ACTR3C: variants seen among roughly 807,000 people sequenced by gnomAD.
ACTR3C encodes the protein actin-related protein 3C.
Under a neutral mutation model 26.3 loss-of-function variants are expected in ACTR3C, and 18 were observed. The ratio of observed to expected loss-of-function variants is 0.68; its 90% CI spans 0.47 to 1.01. ACTR3C has a LOEUF of 1.01. ACTR3C is among the 50% of genes least tolerant of loss of function. ACTR3C has a pLI of 0.00. For synonymous variants in ACTR3C, 55 were observed against 94.5 expected, an observed-to-expected ratio of 0.58 and a Z score of 2.42; for missense variants, 184 against 250.7, an observed-to-expected ratio of 0.73 and a Z score of 1.80.
the ACTR3C span, among the ~76,000 whole-genome samples, chr7:150,143,450 A>G: frequency 6.6e-5 from 10 of 152,144 alleles, no homozygotes; most frequent in African/African-American, 2.4e-4. Context: ...TTTTGCAAAC[A>G]TAATTTACAT....
the ACTR3C span, among the ~76,000 whole-genome samples, chr7:150,144,942 A>C: frequency 0.026 from 3,977 of 150,760 alleles, 178 homozygotes; most frequent in African/African-American, 0.091. The surrounding 1 kb of genome is among the most constrained non-coding windows in gnomAD (Gnocchi z 4.6). Context: ...CCCAGCTACT[A>C]GGACGGCTGA....
the ACTR3C span, among the ~76,000 whole-genome samples, chr7:150,164,812 G>A: frequency 6.6e-6 from 1 of 152,118 alleles, no homozygotes; most frequent in East Asian, 1.9e-4. Context: ...ACTGTGTGAA[G>A]GTCTTAGTAA....
chr7:150,103,153 A>G, the ACTR3C span, among the ~76,000 whole-genome samples: 1 of 151,918 alleles, frequency 6.6e-6, no homozygotes, highest in South Asian at 2.1e-4. Context: ...AGCAAGCTGG[A>G]AGCAAGGAGA....
At chr7:150,305,207 G>C (rs1250411290) in intron 1 of ACTR3C, among the ~76,000 whole-genome samples, 3 of 152,162 alleles carry the variant, frequency 2.0e-5, no homozygotes, top group African/African-American at 7.2e-5. Flanking sequence ...CACTGACTCA[G>C]AGCTGCATAA....
At chr7:149,935,599 A>T in the ACTR3C span, among the ~76,000 whole-genome samples, 2 of 143,236 alleles carry the variant, frequency 1.4e-5, no homozygotes, top group South Asian at 2.5e-4. Flanking sequence ...ACAGGGTTTC[A>T]CCATGTTGGC....
chr7:150,154,853 G>A, the ACTR3C span, among the ~76,000 whole-genome samples: 1 of 152,178 alleles, frequency 6.6e-6, no homozygotes, highest in East Asian at 1.9e-4. Flanking sequence ...CAAGGTTGTA[G>A]TGAATTGCCT....
chr7:149,904,809 CATGGTGA>C, the ACTR3C span, among the ~76,000 whole-genome samples: 1 of 151,780 alleles, frequency 6.6e-6, no homozygotes, highest in Admixed American at 6.6e-5. Flanking sequence ...GCCTGGCCAA[CATGGTGA>C]AACCCCATCT....
At chr7:150,160,163 T>C in the ACTR3C span, among the ~76,000 whole-genome samples, 168 of 152,212 alleles carry the variant, frequency 1.1e-3, 3 homozygotes, top group East Asian at 0.031. Context: ...TTACCTATAA[T>C]TTACTGAAGT....
the ACTR3C span, among the ~76,000 whole-genome samples, chr7:150,016,733 C>A: frequency 6.6e-6 from 1 of 151,948 alleles, no homozygotes; most frequent in Non-Finnish European, 1.5e-5. Flanking sequence ...ACTCCCAGAC[C>A]CAAGGCTTAT....
the ACTR3C span, among the ~76,000 whole-genome samples, chr7:150,231,017 T>TAAAAA: frequency 6.6e-6 from 1 of 152,134 alleles, no homozygotes; most frequent in Admixed American, 6.5e-5. Flanking sequence ...TTTATGCTTT[T>TAAAAA]CTTCTATAAC....
the ACTR3C span, among the ~76,000 whole-genome samples, chr7:150,210,081 T>C: frequency 1.3e-5 from 2 of 151,980 alleles, no homozygotes; most frequent in African/African-American, 2.4e-5. Flanking sequence ...AGAAACCCTT[T>C]AGCCAAGAGG....
the ACTR3C span, among the ~76,000 whole-genome samples, chr7:149,957,006 T>C: frequency 3.3e-5 from 5 of 152,154 alleles, no homozygotes; most frequent in Non-Finnish European, 7.3e-5. Flanking sequence ...CTGTCTCTCA[T>C]ACAGACTGGC....
At chr7:150,116,137 G>A in the ACTR3C span, among the ~76,000 whole-genome samples, 1 of 152,224 alleles carries the variant, frequency 6.6e-6, no homozygotes, top group Non-Finnish European at 1.5e-5. Context: ...AACAAGTGGG[G>A]ATATTTCAAA....
At chr7:149,991,517 G>A in the ACTR3C span, among the ~76,000 whole-genome samples, 14 of 152,166 alleles carry the variant, frequency 9.2e-5, no homozygotes, top group Admixed American at 9.2e-4. Context: ...GGAATCCCAG[G>A]CTAGTTGTGC....
At chr7:149,993,355 T>G in the ACTR3C span, among the ~76,000 whole-genome samples, 1 of 152,048 alleles carries the variant, frequency 6.6e-6, no homozygotes, top group Non-Finnish European at 1.5e-5. Flanking sequence ...CAAGCAGGGG[T>G]GCACTTGTAT....
the ACTR3C span, among the ~76,000 whole-genome samples, chr7:149,961,267 G>A: frequency 6.6e-6 from 1 of 151,984 alleles, no homozygotes; most frequent in Admixed American, 6.5e-5. Context: ...TATACTCACA[G>A]GAAGTGTATA....
chr7:149,987,498 C>T, the ACTR3C span, among the ~76,000 whole-genome samples: 2 of 147,408 alleles, frequency 1.4e-5, no homozygotes, highest in African/African-American at 4.9e-5. Context: ...ACCTGGGAGG[C>T]AGAGGTTGCA....
the ACTR3C span, among the ~76,000 whole-genome samples, chr7:150,009,404 C>T: frequency 3.9e-5 from 6 of 152,334 alleles, no homozygotes; most frequent in South Asian, 2.1e-4. Context: ...TCCAACACTG[C>T]GCGAAGTGCA....
intron 6 of ACTR3C, among the ~76,000 whole-genome samples, chr7:150,265,069 T>G: frequency 6.6e-6 from 1 of 152,060 alleles, no homozygotes; most frequent in Non-Finnish European, 1.5e-5. Flanking sequence ...TAGTGAGAGA[T>G]AAAATTTATC....
Sources: allele counts gnomAD v4.1 joint callset (sites outside exome capture counted in the v4.1 genomes callset), GRCh38; gene constraint gnomAD v4.1.1; non-coding constraint Gnocchi (gnomAD v3.1); transcripts MANE v1.5; gene names NCBI Gene and HGNC (gene_info 2026-07-23, HGNC 2026-07-21).